NRXN3: variants seen among roughly 807,000 people sequenced by gnomAD.
The protein encoded by NRXN3 is neurexin III.
Under a neutral mutation model 137.6 loss-of-function variants are expected in NRXN3, and 32 were observed. The observed-to-expected ratio is 0.23, with a 90% confidence interval of 0.18 to 0.31. The LOEUF is 0.31. Among genes scored for constraint, NRXN3 ranks in the 10% least tolerant of loss-of-function variants. The pLI is 1.00. For missense variants in NRXN3, 1,574 were observed against 2,062.5 expected (o/e 0.76, Z 4.59); for synonymous variants, 798 against 784.5 (o/e 1.02, Z -0.29).
intron 15 of NRXN3, among the ~76,000 whole-genome samples, chr14:79,023,570 CT>C (rs1380482633): frequency 6.6e-6 from 1 of 151,962 alleles, no homozygotes; most frequent in African/African-American, 2.4e-5. Flanking sequence ...GGACTGGGTA[CT>C]TTAAAAAGAA....
At position 79,158,221 on chromosome 14, in the gene NRXN3, AT is replaced by A. The variant is rs568612015; in HGVS notation, c.3262+170081del. Among the ~76,000 whole-genome samples, 258 of 151,906 alleles carry A rather than the reference AT, an allele frequency of 1.7e-3. 1 individual carries two copies. Among genetic ancestry groups the A allele is most frequent in the African/African-American group, 5.6e-3 (233 of 41,504 alleles). On this transcript the variant is annotated intron_variant, in intron 15 of 20. Coordinates refer to ENST00000335750, the MANE Select transcript of NRXN3 (RefSeq NM_001330195.2). ...TTCTATCTCCCTAAAATCAAAACCA[AT>A]GTTCACCTTAGGTTGTGTAGAAAAG...
intron 15 of NRXN3, among the ~76,000 whole-genome samples, chr14:79,066,990 C>A (rs1241543478): frequency 6.6e-6 from 1 of 152,088 alleles, no homozygotes; most frequent in African/African-American, 2.4e-5. Flanking sequence ...CTGACTAGAA[C>A]TTCCAATACT....
intron 20 of NRXN3, among the ~76,000 whole-genome samples, chr14:79,838,987 C>T (rs1191414089): frequency 1.3e-5 from 2 of 152,124 alleles, no homozygotes; most frequent in Non-Finnish European, 1.5e-5. Flanking sequence ...TGGGCAACAC[C>T]TTGTTCTATA....
intron 16 of NRXN3, among the ~76,000 whole-genome samples, chr14:79,627,581 T>C (rs2098296370): frequency 6.6e-6 from 1 of 152,250 alleles, no homozygotes; most frequent in Non-Finnish European, 1.5e-5. Flanking sequence ...ATTAAATAGC[T>C]ACCACAGCCT....
chr14:78,919,628 T>C (rs2099265686), intron 10 of NRXN3, among the ~76,000 whole-genome samples: 1 of 152,302 alleles, frequency 6.6e-6, no homozygotes, highest in East Asian at 1.9e-4. Flanking sequence ...ACATATCTCA[T>C]TTAGTTTTCA....
chr14:78,867,132 A>G (rs2099089112), intron 10 of NRXN3, among the ~76,000 whole-genome samples: 1 of 152,122 alleles, frequency 6.6e-6, no homozygotes, highest in African/African-American at 2.4e-5. Context: ...TTTCACATTT[A>G]CTTTATGGTA....
chr14:78,851,177 G>A (rs2099041543), intron 10 of NRXN3, among the ~76,000 whole-genome samples: 1 of 152,156 alleles, frequency 6.6e-6, no homozygotes, highest in South Asian at 2.1e-4. Context: ...ACAAGTCAGA[G>A]GGAAGGAGAT....
At chr14:79,798,660 A>G (rs927604811) in intron 19 of NRXN3, among the ~76,000 whole-genome samples, 5 of 152,208 alleles carry the variant, frequency 3.3e-5, no homozygotes, top group African/African-American at 1.2e-4. Context: ...GGGTGGGGAA[A>G]ATTGATTATC....
At chr14:79,851,871 T>C (rs568331931) in intron 20 of NRXN3, among the ~76,000 whole-genome samples, 1 of 152,266 alleles carries the variant, frequency 6.6e-6, no homozygotes, top group Non-Finnish European at 1.5e-5. Context: ...TGGCATAGTT[T>C]TCCTCAAAGC....
At chr14:79,529,819 A>T (rs1347094878) in intron 16 of NRXN3, among the ~76,000 whole-genome samples, 2 of 152,206 alleles carry the variant, frequency 1.3e-5, no homozygotes, top group African/African-American at 4.8e-5. Context: ...CTGAATCTTT[A>T]GTCAAATCAA....
At chr14:79,536,426 T>G (rs972299066) in intron 16 of NRXN3, among the ~76,000 whole-genome samples, 6 of 152,164 alleles carry the variant, frequency 3.9e-5, no homozygotes, top group Non-Finnish European at 8.8e-5. Context: ...CACAACATTT[T>G]TTTTTTAATA....
chr14:79,223,685 C>T (rs2070264222), intron 15 of NRXN3, among the ~76,000 whole-genome samples: 1 of 152,124 alleles, frequency 6.6e-6, no homozygotes, highest in African/African-American at 2.4e-5. Context: ...TGGCTCCCTG[C>T]TCCCTTCAAT....
intron 4 of NRXN3, among the ~76,000 whole-genome samples, chr14:78,387,077 G>A (rs60295560): frequency 0.012 from 1,860 of 151,974 alleles, 37 homozygotes; most frequent in African/African-American, 0.042. Flanking sequence ...CACCGCACCC[G>A]GCCTATACTT....
chr14:79,630,458 C>T (rs571946716), intron 16 of NRXN3, among the ~76,000 whole-genome samples: 2 of 152,332 alleles, frequency 1.3e-5, no homozygotes, highest in Admixed American at 1.3e-4. Flanking sequence ...GGAATCTTAA[C>T]TGTTCTTGTC....
chr14:79,253,458 A>G (rs1184961331), intron 15 of NRXN3, among the ~76,000 whole-genome samples: 1 of 152,152 alleles, frequency 6.6e-6, no homozygotes, highest in East Asian at 1.9e-4. Context: ...ACAGAAAATA[A>G]CTAGGGAGGG....
chr14:78,322,132 A>T (rs2079451602), intron 4 of NRXN3, among the ~76,000 whole-genome samples: 1 of 151,864 alleles, frequency 6.6e-6, no homozygotes, highest in East Asian at 1.9e-4. Context: ...AAGCCAAAAA[A>T]TTTTATTGAG....
chr14:79,256,707 A>G (rs968687605), intron 15 of NRXN3, among the ~76,000 whole-genome samples: 4 of 152,218 alleles, frequency 2.6e-5, no homozygotes, highest in Admixed American at 6.5e-5. Context: ...CCAGAAGCAG[A>G]GCAGGTGGCT....
intron 15 of NRXN3, among the ~76,000 whole-genome samples, chr14:79,070,895 G>A (rs1034379631): frequency 1.3e-4 from 20 of 152,292 alleles, no homozygotes; most frequent in African/African-American, 4.1e-4. Context: ...CATGTTGGGG[G>A]TGATTCTGGG....
intron 1 of NRXN3, among the ~76,000 whole-genome samples, chr14:78,237,626 C>A (rs2066490474): frequency 6.6e-6 from 1 of 152,182 alleles, no homozygotes; most frequent in Non-Finnish European, 1.5e-5. Flanking sequence ...AACTTCAAGT[C>A]TGGGTGAGAG....
Sources: allele counts gnomAD v4.1 joint callset (sites outside exome capture counted in the v4.1 genomes callset), GRCh38; gene constraint gnomAD v4.1.1; transcripts MANE v1.5; gene names NCBI Gene and HGNC (gene_info 2026-07-23, HGNC 2026-07-21).